ESR1: variants seen among roughly 807,000 people sequenced by gnomAD.
ESR1 encodes estrogen receptor 1.
ESR1 carries 12 observed loss-of-function variants against 52.7 expected under a neutral mutation model. That is an observed-to-expected ratio of 0.23 (90% CI 0.15 to 0.37). The LOEUF (loss-of-function observed/expected upper bound fraction) is 0.37. Ranked by LOEUF, ESR1 falls within the 10% of genes least tolerant of loss-of-function variation. ESR1 has a pLI of 1.00. For missense variants in ESR1, 584 were observed against 779.7 expected (o/e 0.75, Z 2.99); for synonymous variants, 305 against 316.8 (o/e 0.96, Z 0.39).
chr6:151,997,946 G>A (rs2041635249), intron 4 of ESR1, among the ~76,000 whole-genome samples: 1 of 151,970 alleles, frequency 6.6e-6, no homozygotes, highest in African/African-American at 2.4e-5. Context: ...GCTTTCAGAA[G>A]TGATGAGGGA....
chr6:152,035,535 G>A (rs2045214807), intron 5 of ESR1, among the ~76,000 whole-genome samples: 1 of 152,056 alleles, frequency 6.6e-6, no homozygotes. Flanking sequence ...TTCAGTGCGT[G>A]TCCAATCAAT....
In ESR1 at chr6:151,914,800, C is replaced by T. The variant is rs1351141475; in HGVS notation, c.761-29373C>T. Reference sequence around the variant, plus strand: ...TCCATAGTACATAATACCGTAAGCACTCCATAAGGTAATTCTTGTCCTTTT... The same window carrying T: ...TCCATAGTACATAATACCGTAAGCATTCCATAAGGTAATTCTTGTCCTTTT... On this transcript the variant is annotated intron_variant, in intron 3 of 7. Transcript: ENST00000206249. Among the ~76,000 whole-genome samples the T allele has an allele frequency of 2.0e-5, 3 of 152,294 alleles. No individual in the cohort carries two copies. The East Asian group carries it at 5.8e-4, about 29-fold the overall frequency.
intron 4 of ESR1, among the ~76,000 whole-genome samples, chr6:151,971,025 A>G (rs1484413894): frequency 1.3e-5 from 2 of 152,166 alleles, no homozygotes; most frequent in East Asian, 1.9e-4. Flanking sequence ...GGCTGTAGGC[A>G]TATTTGATTC....
chr6:151,673,759 G>A (rs1562322226), intron 1 of ESR1, among the ~76,000 whole-genome samples: 1 of 152,076 alleles, frequency 6.6e-6, no homozygotes, highest in South Asian at 2.1e-4. Flanking sequence ...GCGTGCAAAT[G>A]TATTGCCAGC....
At chr6:151,727,230 C>T (rs895624021) in intron 2 of ESR1, among the ~76,000 whole-genome samples, 1 of 150,874 alleles carries the variant, frequency 6.6e-6, no homozygotes, top group East Asian at 1.9e-4. Flanking sequence ...GAGACAGAGT[C>T]TTGCTCTGTC....
rs76135066 is a variant in ESR1, at chr6:151,727,815, C to T, written c.-71+25810C>T. ...GTTTTATAAGGGCCTCTTCCCCCTT[C>T]GCTACTCACTCTGTCTCTCACCTGC... is the stretch of plus-strand genomic sequence containing the variant. On this transcript the variant is annotated intron_variant, in intron 2 of 2. Transcript: ENST00000404742. 2.9e-3 allele frequency among the ~76,000 whole-genome samples: 443 copies of T among 152,240 alleles called. 5 individuals carry two copies. The highest frequency in any genetic ancestry group is 0.018 in the East Asian group (91 of 5,176).
intron 2 of ESR1, among the ~76,000 whole-genome samples, chr6:151,749,017 C>T (rs1783694937): frequency 6.6e-6 from 1 of 151,858 alleles, no homozygotes; most frequent in African/African-American, 2.4e-5. Flanking sequence ...ACATACATTG[C>T]TTACAAGTAA....
intron 3 of ESR1, among the ~76,000 whole-genome samples, chr6:151,886,464 T>G (rs1418674162): frequency 1.3e-5 from 2 of 152,206 alleles, no homozygotes; most frequent in Non-Finnish European, 2.9e-5. Context: ...TGTTGCAGTA[T>G]AATTTTTAGA....
chr6:152,003,895 C>T (rs1279809640), intron 4 of ESR1, among the ~76,000 whole-genome samples: 1 of 151,752 alleles, frequency 6.6e-6, no homozygotes, highest in Non-Finnish European at 1.5e-5. Flanking sequence ...CATATTTAGC[C>T]ATTAAAAGGT....
rs1462603717 is a variant in ESR1, at chr6:151,932,530, T to C, written c.761-11643T>C. Among the ~76,000 whole-genome samples the C allele has an allele frequency of 7.7e-3, 936 of 122,024 alleles. 9 individuals carry two copies. The highest frequency in any genetic ancestry group is 0.03 in the African/African-American group (875 of 28,878). 80.1% of individuals were successfully genotyped at this position (122,024 alleles called of 152,430 possible). A position where few individuals can be genotyped will look rare whatever the true frequency, so the allele number is the denominator to read the frequency against. On this transcript the variant is annotated intron_variant, in intron 3 of 7. Coordinates refer to ENST00000206249, the MANE Select transcript of ESR1 (RefSeq NM_000125.4). ...GTTTTGGACATGAAGTCCTTGCCCATGCCTATGTCCTGAATGGTAATGCCT... is the reference window on the plus strand; with the variant it reads ...GTTTTGGACATGAAGTCCTTGCCCACGCCTATGTCCTGAATGGTAATGCCT...
At position 151,724,502 on chromosome 6, in the gene ESR1, A is replaced by G. The variant is rs187315293; in HGVS notation, c.-71+22497A>G. Among the ~76,000 whole-genome samples the G allele has an allele frequency of 3.2e-4, 49 of 152,250 alleles. 1 individual carries two copies. In the East Asian group the frequency reaches 5.8e-3, roughly 18 times the overall value. ...CTAGAGATACACATACAGAAATGTGATTGGACAGTCAAGGATCACCGTATG... is the reference window on the plus strand; with the variant it reads ...CTAGAGATACACATACAGAAATGTGGTTGGACAGTCAAGGATCACCGTATG... On this transcript the variant is annotated intron_variant, in intron 2 of 2. Coordinates refer to the ESR1 transcript ENST00000404742.
At chr6:151,966,077 T>G (rs143894368) in intron 4 of ESR1, among the ~76,000 whole-genome samples, 8 of 152,318 alleles carry the variant, frequency 5.3e-5, no homozygotes, top group African/African-American at 1.9e-4. Flanking sequence ...CTTGAGTAAT[T>G]TTTCAGAATC....
intron 5 of ESR1, among the ~76,000 whole-genome samples, chr6:152,025,227 G>T (rs2044044383): frequency 7.0e-6 from 1 of 143,198 alleles, no homozygotes; most frequent in African/African-American, 2.6e-5. Context: ...TTTTTAACCA[G>T]TGTTAAACAT....
intron 4 of ESR1, among the ~76,000 whole-genome samples, chr6:151,985,449 A>G (rs1475359648): frequency 1.5e-5 from 2 of 130,298 alleles, no homozygotes; most frequent in Non-Finnish European, 3.2e-5. Context: ...TGAAGACTGT[A>G]GTGAGCCGAG....
At chr6:151,957,068 G>A (rs1305960935) in intron 4 of ESR1, among the ~76,000 whole-genome samples, 2 of 151,264 alleles carry the variant, frequency 1.3e-5, no homozygotes, top group Admixed American at 1.3e-4. Flanking sequence ...TAGTAGAGAT[G>A]GGCTTTCACT....
At chr6:151,809,627 G>C (rs137997281) in intron 1 of ESR1, among the ~76,000 whole-genome samples, 1 of 152,290 alleles carries the variant, frequency 6.6e-6, no homozygotes, top group African/African-American at 2.4e-5. Context: ...TATAGCAGAA[G>C]GAAGGGGACT....
rs374719529 is a variant in ESR1, at chr6:152,061,734, TTTTTTG to T, written c.1369+633_1369+638del. 4.3e-3 allele frequency among the ~76,000 whole-genome samples: 659 copies of T among 152,236 alleles called. 5 individuals carry two copies. Among genetic ancestry groups the T allele is most frequent in the African/African-American group, 0.015 (612 of 41,532 alleles). On this transcript the variant is annotated intron_variant, in intron 6 of 7. Transcript: ENST00000206249. The surrounding 1 kb of genome is among the most constrained non-coding windows in gnomAD (Gnocchi z 4.3). The stretch of plus-strand genomic sequence containing the variant: ...AAAGCTTAGCTAAGAGCAACATCTG[TTTTTTG>T]TTTTTGTTTTTGTTTTTGTTTTGTT...
chr6:152,069,179 C>T (rs2048194309), intron 6 of ESR1, among the ~76,000 whole-genome samples: 2 of 136,806 alleles, frequency 1.5e-5, no homozygotes, highest in Non-Finnish European at 3.0e-5. Flanking sequence ...CTTAAATCCA[C>T]CTCTTGAAAA....
In ESR1 at chr6:152,077,868, C is replaced by G. The variant is rs190916961; in HGVS notation, c.1370-16517C>G. On this transcript the variant is annotated intron_variant, in intron 6 of 7. Transcript: ENST00000206249. ...AGTAACTAGCTTGATTTTGATTTTA[C>G]AGGCTCATAGGCAAAAGGGACTTGC... 1.1e-3 allele frequency among the ~76,000 whole-genome samples: 161 copies of G among 152,302 alleles called. 2 individuals are homozygous for G. The highest frequency in any genetic ancestry group is 1.8e-3 in the Non-Finnish European group (125 of 68,032).
Sources: allele counts gnomAD v4.1 joint callset (sites outside exome capture counted in the v4.1 genomes callset), GRCh38; gene constraint gnomAD v4.1.1; non-coding constraint Gnocchi (gnomAD v3.1); transcripts MANE v1.5; gene names NCBI Gene and HGNC (gene_info 2026-07-23, HGNC 2026-07-21).